Variants in CTNNA2 observed in about 807,000 individuals in gnomAD.
CTNNA2 encodes catenin alpha 2, also known as catenin alpha-2.
A neutral mutation model predicts 101.0 loss-of-function variants in CTNNA2; 42 were observed. That is an observed-to-expected ratio of 0.42 (90% CI 0.32 to 0.54). The LOEUF is 0.54. CTNNA2 is among the 20% of genes least tolerant of loss of function. The pLI, the probability that CTNNA2 is intolerant of heterozygous loss-of-function variation, is 0.14. For missense variants in CTNNA2, 871 were observed against 1,223.1 expected (o/e 0.71, Z 4.29); for synonymous variants, 450 against 456.4 (o/e 0.99, Z 0.18).
chr2:80,209,865 AT>A (rs934963441), intron 7 of CTNNA2, among the ~76,000 whole-genome samples: 8 of 149,736 alleles, frequency 5.3e-5, no homozygotes, highest in African/African-American at 1.8e-4. Flanking sequence ...TTTATATATC[AT>A]TTTTTTGATT....
chr2:80,544,926 C>A, intron 9 of CTNNA2, 56 bp from the exon 10 acceptor site: 5 of 1,445,960 alleles, frequency 3.5e-6, no homozygotes, highest in Non-Finnish European at 4.8e-6. Context: ...GGCGGAGCAA[C>A]AGTATACTTT....
chr2:80,309,649 TAG>T (rs1491385898), intron 7 of CTNNA2, among the ~76,000 whole-genome samples: 1 of 151,984 alleles, frequency 6.6e-6, no homozygotes. Flanking sequence ...GTAAACTCTA[TAG>T]AGTTTGTTCA....
At chr2:80,232,149 T>G (rs1341216183) in intron 7 of CTNNA2, among the ~76,000 whole-genome samples, 1 of 152,134 alleles carries the variant, frequency 6.6e-6, no homozygotes, top group Non-Finnish European at 1.5e-5. Context: ...CAAACCAATG[T>G]ATACGTCACA....
chr2:80,442,742 T>G (rs927741135), intron 9 of CTNNA2, among the ~76,000 whole-genome samples: 1 of 152,182 alleles, frequency 6.6e-6, no homozygotes, highest in Non-Finnish European at 1.5e-5. Context: ...TTTAAATATT[T>G]AAACCACTTC....
intron 15 of CTNNA2, among the ~76,000 whole-genome samples, chr2:80,598,820 T>C (rs1221559009): frequency 1.3e-5 from 2 of 152,212 alleles, no homozygotes; most frequent in Non-Finnish European, 2.9e-5. Context: ...ATTCCTGACA[T>C]AACAAACTTG....
chr2:79,864,790 A>T (rs1681901150), intron 4 of CTNNA2, among the ~76,000 whole-genome samples: 1 of 152,188 alleles, frequency 6.6e-6, no homozygotes, highest in African/African-American at 2.4e-5. Flanking sequence ...TCTGGAGCAA[A>T]CTACCTGGGC....
chr2:79,692,050 T>C (rs906153066), intron 2 of CTNNA2, among the ~76,000 whole-genome samples: 1 of 152,090 alleles, frequency 6.6e-6, no homozygotes, highest in East Asian at 1.9e-4. Context: ...AGGAGCTTCT[T>C]CACAGCAAAA....
intron 2 of CTNNA2, among the ~76,000 whole-genome samples, chr2:79,290,293 CA>C (rs1675762936): frequency 6.6e-6 from 1 of 152,120 alleles, no homozygotes; most frequent in Non-Finnish European, 1.5e-5. Flanking sequence ...TGATCAAATA[CA>C]GAGCACAGAA....
At chr2:79,211,756 C>A (rs13406500) in intron 2 of CTNNA2, among the ~76,000 whole-genome samples, 4 of 151,986 alleles carry the variant, frequency 2.6e-5, no homozygotes, top group Admixed American at 2.6e-4. Flanking sequence ...AGAGGCATGA[C>A]ATTCCTGTCT....
chr2:79,427,097 G>T (rs1678599242), intron 4 of CTNNA2, among the ~76,000 whole-genome samples: 1 of 151,886 alleles, frequency 6.6e-6, no homozygotes, highest in African/African-American at 2.4e-5. Context: ...AACATGAAAT[G>T]AAGATATAGA....
chr2:79,453,205 A>G lies in CTNNA2; in HGVS notation c.-134-51849A>G, dbSNP rs537663849. 1.4e-4 allele frequency among the ~76,000 whole-genome samples: 22 copies of G among 152,258 alleles called. 1 individual carries two copies. The highest frequency in any genetic ancestry group is 3.4e-3 in the Middle Eastern group (1 of 294). ...ACAATTAATGTCTTATATAAATACT[A>G]TGTACACTTTGAGCATATTCCTGCA... is the stretch of plus-strand genomic sequence containing the variant. On this transcript the variant is annotated intron_variant, in intron 4 of 21. Transcript: ENST00000466387.
intron 7 of CTNNA2, among the ~76,000 whole-genome samples, chr2:80,109,674 T>C (rs891531132): frequency 2.6e-5 from 4 of 152,138 alleles, no homozygotes; most frequent in African/African-American, 9.7e-5. Flanking sequence ...TGGAAACACA[T>C]GCTCTGATCT....
At chr2:80,100,894 T>G (rs1423277566) in intron 7 of CTNNA2, among the ~76,000 whole-genome samples, 2 of 152,186 alleles carry the variant, frequency 1.3e-5, no homozygotes, top group African/African-American at 4.8e-5. Flanking sequence ...CAAAGATCAT[T>G]TTTCCCTCTA....
chr2:79,700,310 A>C (rs184776321), intron 2 of CTNNA2, among the ~76,000 whole-genome samples: 1 of 152,110 alleles, frequency 6.6e-6, no homozygotes, highest in Non-Finnish European at 1.5e-5. Flanking sequence ...GCCTAAGGGA[A>C]TAGTAAGGTT....
chr2:79,291,302 A>C (rs1675805055), intron 2 of CTNNA2, among the ~76,000 whole-genome samples: 1 of 152,214 alleles, frequency 6.6e-6, no homozygotes, highest in African/African-American at 2.4e-5. Flanking sequence ...AACAAATGAG[A>C]CTATCCCAGG....
rs921889532 is a variant in CTNNA2, at chr2:79,374,731, T to C, written c.-135+718T>C. Reference sequence around the variant, plus strand: ...TTTAAACTAAAATCCGATGGAAATTTAATTTGATTGCACTACAAATGTTAA... The same window carrying C: ...TTTAAACTAAAATCCGATGGAAATTCAATTTGATTGCACTACAAATGTTAA... On this transcript the variant is annotated intron_variant, in intron 4 of 21. Coordinates refer to the CTNNA2 transcript ENST00000466387. Among the ~76,000 whole-genome samples the C allele has an allele frequency of 7.3e-5, 11 of 150,440 alleles. No individual in the cohort carries two copies. The Admixed American group carries it at 7.3e-4, about 10-fold the overall frequency.
chr2:80,175,312 A>G (rs6760125), intron 7 of CTNNA2, among the ~76,000 whole-genome samples: 2,261 of 152,200 alleles, frequency 0.015, 61 homozygotes, highest in African/African-American at 0.052. Context: ...TCAGAGTCAA[A>G]TGTTATATTT....
intron 3 of CTNNA2, among the ~76,000 whole-genome samples, chr2:79,815,080 A>T (rs534953993): frequency 1.2e-4 from 19 of 152,016 alleles, no homozygotes; most frequent in African/African-American, 4.3e-4. Context: ...TCTTCTTTGG[A>T]GAGTTGTCTA....
At chr2:80,223,770 T>G (rs1240353096) in intron 7 of CTNNA2, among the ~76,000 whole-genome samples, 1 of 152,164 alleles carries the variant, frequency 6.6e-6, no homozygotes, top group Admixed American at 6.5e-5. Flanking sequence ...TTTGGAAAAT[T>G]TGATCCCATT....
Sources: allele counts gnomAD v4.1 joint callset (sites outside exome capture counted in the v4.1 genomes callset), GRCh38; gene constraint gnomAD v4.1.1; transcripts MANE v1.5; gene names NCBI Gene and HGNC (gene_info 2026-07-23, HGNC 2026-07-21).